SCAF11: variants seen among roughly 807,000 people sequenced by gnomAD.
SCAF11 encodes the protein protein SCAF11.
A neutral mutation model predicts 140.5 loss-of-function variants in SCAF11; 47 were observed. The ratio of observed to expected loss-of-function variants is 0.33; its 90% CI spans 0.26 to 0.43. The LOEUF is 0.43. SCAF11 is among the 20% of genes least tolerant of loss of function. SCAF11 has a pLI of 1.00. For missense variants in SCAF11, 1,645 were observed against 1,705.1 expected, an observed-to-expected ratio of 0.96 and a Z score of 0.62; for synonymous variants, 557 against 579.4, an observed-to-expected ratio of 0.96 and a Z score of 0.55.
upstream of SCAF11, chr12:45,991,862 T>C (rs552496780): frequency 1.2e-5 from 15 of 1,282,272 alleles, no homozygotes; most frequent in South Asian, 1.9e-4. Flanking sequence ...AGGACTAAGC[T>C]CTGCTCCCCG....
At chr12:45,934,559 G>A (rs1242800594) in intron 6 of SCAF11, 54 bp from the exon 7 acceptor site, 27 of 1,271,982 alleles carry the variant, frequency 2.1e-5, no homozygotes, top group Non-Finnish European at 2.8e-5. Context: ...TTATTAAAAA[G>A]GCTGTAAACC....
At chr12:45,945,893 T>C (rs1945412277) in intron 5 of SCAF11, among the ~76,000 whole-genome samples, 1 of 152,056 alleles carries the variant, frequency 6.6e-6, no homozygotes, top group South Asian at 2.1e-4. Context: ...GGTCTCACTA[T>C]GTTGCCCAGG....
In SCAF11 at chr12:45,974,649, T is replaced by C. The variant is rs372170014; in HGVS notation, c.-21-10461A>G. On this transcript the variant is annotated intron_variant, in intron 1 of 14. Transcript: ENST00000369367. ...TTCAGTCATGTCTTCAGGCTCCACTTCTAATTCTATAATAGTTCTCCTGCT... is the reference window on the plus strand; with the variant it reads ...TTCAGTCATGTCTTCAGGCTCCACTCCTAATTCTATAATAGTTCTCCTGCT... 531 of 177,692 alleles carry C rather than the reference T, an allele frequency of 3.0e-3. 23 individuals are homozygous for C. In the South Asian group the frequency reaches 0.062, roughly 21 times the overall value. The allele number at this position is 177,692 out of a possible 1,614,324, so 11.0% of individuals were successfully genotyped here. A position where few individuals can be genotyped will look rare whatever the true frequency, so the allele number is the denominator to read the frequency against.
At chr12:45,925,157 A>T in intron 11 of SCAF11, 83 bp from the exon 12 acceptor site, 1 of 1,042,230 alleles carries the variant, frequency 9.6e-7, no homozygotes. Context: ...TGGTTACAGT[A>T]AAATTAAATA....
intron 2 of SCAF11, among the ~76,000 whole-genome samples, chr12:45,962,839 G>A (rs982053900): frequency 1.3e-5 from 2 of 152,174 alleles, no homozygotes; most frequent in Non-Finnish European, 2.9e-5. Context: ...AAATCCTCTG[G>A]AGGAAAGAAT....
intron 3 of SCAF11, among the ~76,000 whole-genome samples, chr12:45,958,516 A>C (rs954860828): frequency 2.0e-5 from 3 of 152,214 alleles, no homozygotes; most frequent in African/African-American, 4.8e-5. Flanking sequence ...TTATGGTTTA[A>C]ATTAACAAAA....
At chr12:45,966,075 G>T (rs1945939640) in intron 1 of SCAF11, among the ~76,000 whole-genome samples, 2 of 152,090 alleles carry the variant, frequency 1.3e-5, no homozygotes, top group African/African-American at 4.8e-5. Flanking sequence ...TTTTAGTTCT[G>T]GTGCAAACTA....
In SCAF11 at chr12:45,923,043, T is replaced by C. The variant is rs1165298835; in HGVS notation, c.4018A>G (p.Thr1340Ala). ...GMVQGPSSGN[T>A]SSSSHSKASN... The stretch of plus-strand genomic sequence containing the variant: ...GCTTTGCTGTGACTTGATGACGAAG[T>C]ATTACCAGAACTTGGTCCCTGAACC... Residue 1340 changes from threonine (T) to alanine (A), a missense_variant, in exon 13 of 15, where the codon ACT becomes GCT. This residue lies in a region of SCAF11 where 1,582 missense variants were observed against 1,609.2 expected (regional missense o/e 0.98). Coordinates refer to ENST00000369367, the MANE Select transcript of SCAF11 (RefSeq NM_004719.3). The C allele has an allele frequency of 9.9e-6, 16 of 1,614,178 alleles. No individual in the cohort carries two copies. The highest frequency in any genetic ancestry group is 6.7e-5 in the East Asian group (3 of 44,880).
Position 45,928,693 on chromosome 12 carries a change from C to G in SCAF11, c.1008G>C (p.Gln336His). The change falls in exon 11 of 15, where the codon CAG becomes CAC. Residue 336 changes from glutamine to histidine, a missense_variant. By Grantham distance (24) the Gln-to-His change is conservative (BLOSUM62 0). Around this residue, in one of 2 missense-constraint regions of SCAF11, gnomAD observed 1,582 missense variants for 1,609.2 expected, o/e 0.98. Transcript: ENST00000369367. ...NTRAETASQS[Q>H]RSPISDNSGC... is the part of the protein sequence containing the mutation. Reference sequence around the variant, plus strand: ...CAGAATTGTCTGATATTGGGGATCTCTGAGACTGACTGGCTGTTTCAGCTC... The same window carrying G: ...CAGAATTGTCTGATATTGGGGATCTGTGAGACTGACTGGCTGTTTCAGCTC... 1 of 1,614,042 alleles carries G rather than the reference C, an allele frequency of 6.2e-7. No individual in the cohort carries two copies. The highest frequency in any genetic ancestry group is 8.5e-7 in the Non-Finnish European group (1 of 1,179,994).
chr12:45,941,186 T>C (rs778793385), intron 6 of SCAF11, among the ~76,000 whole-genome samples: 1 of 152,196 alleles, frequency 6.6e-6, no homozygotes, highest in Non-Finnish European at 1.5e-5. Flanking sequence ...TAGATCTTAT[T>C]TGTACATGAA....
chr12:45,965,201 A>G (rs1304777653), intron 1 of SCAF11, among the ~76,000 whole-genome samples: 1 of 152,204 alleles, frequency 6.6e-6, no homozygotes, highest in Non-Finnish European at 1.5e-5. Flanking sequence ...TAAAAAAGAT[A>G]GATACGCCAG....
rs143615919 is a variant in SCAF11, at chr12:45,927,148, T to A, written c.2553A>T (p.Pro851=). 3.3e-3 allele frequency: 5,293 copies of A among 1,614,136 alleles called. 25 individuals are homozygous for A. The highest frequency in any genetic ancestry group is 3.8e-3 in the Non-Finnish European group (4,517 of 1,180,004). Residue 851 remains proline, a synonymous_variant, in exon 11 of 15, where the codon CCA becomes CCT. Transcript: ENST00000369367. ...TCCTTTCTCTTGCAATATCCTTTTTTGGGGACTGAGAACGGGATTTTTTCC... is the reference window on the plus strand; with the variant it reads ...TCCTTTCTCTTGCAATATCCTTTTTAGGGGACTGAGAACGGGATTTTTTCC... ...RGRKKSRSQS[P]KKDIARERRQ...
chr12:45,926,085 T>C, intron 11 of SCAF11, 57 bp downstream of exon 11: 2 of 1,486,576 alleles, frequency 1.3e-6, no homozygotes, highest in South Asian at 2.8e-5. Context: ...AAATAACATA[T>C]TAAATTTATA....
Position 45,923,012 on chromosome 12 carries a change from T to A in SCAF11, c.4049A>T (p.Asn1350Ile). 6.2e-7 allele frequency: 1 copy of A among 1,614,194 alleles called. No individual in the cohort carries two copies. The highest frequency in any genetic ancestry group is 8.5e-7 in the Non-Finnish European group (1 of 1,180,020). The change falls in exon 13 of 15, where the codon AAT becomes ATT. Residue 1350 changes from asparagine to isoleucine, a missense_variant. By Grantham distance (149) the Asn-to-Ile change is moderately radical. Transcript: ENST00000369367. ...GCTTTCTGCCAATTTTACAGCAGCA[T>A]TAGAGGCTTTGCTGTGACTTGATGA... ...TSSSSHSKASNAAVKLAESKV... is the reference protein window; with the variant it reads ...TSSSSHSKASIAAVKLAESKV...
intron 3 of SCAF11, chr12:45,956,125 AT>A (rs1162839899): frequency 1.4e-6 from 1 of 716,462 alleles, no homozygotes; most frequent in African/African-American, 1.7e-5. Context: ...AGGATCCTCG[AT>A]TTCTAATTTC....
At chr12:45,980,373 A>G (rs1406460065) in intron 1 of SCAF11, among the ~76,000 whole-genome samples, 4 of 152,210 alleles carry the variant, frequency 2.6e-5, no homozygotes, top group Non-Finnish European at 5.9e-5. Flanking sequence ...GGATATGTTT[A>G]GCAACCATAG....
At chr12:45,973,717 AG>A (rs1946168613) in intron 1 of SCAF11, among the ~76,000 whole-genome samples, 1 of 152,224 alleles carries the variant, frequency 6.6e-6, no homozygotes, top group Non-Finnish European at 1.5e-5. Flanking sequence ...AAAATGGAAA[AG>A]AACTGTAAAC....
chr12:45,956,236 TA>T (rs1479991425), intron 3 of SCAF11: 10 of 706,134 alleles, frequency 1.4e-5, no homozygotes, highest in Non-Finnish European at 2.6e-6. Context: ...GCTTAAAGAC[TA>T]AATCTCAATA....
intron 1 of SCAF11, among the ~76,000 whole-genome samples, chr12:45,977,326 T>C (rs935568754): frequency 6.6e-6 from 1 of 152,180 alleles, no homozygotes; most frequent in Non-Finnish European, 1.5e-5. Context: ...AGGCATTCTA[T>C]TTTGTGAAAG....
Sources: gnomAD v4.1 joint callset for allele counts (sites outside exome capture counted in the v4.1 genomes callset) on GRCh38, gnomAD v4.1.1 for gene constraint, gnomAD v4.1.1 regional missense constraint, MANE v1.5 for transcripts, NCBI Gene and HGNC (gene_info 2026-07-23, HGNC 2026-07-21) for gene names.